Variants in PTPRK observed in about 807,000 individuals in gnomAD.
PTPRK encodes receptor-type tyrosine-protein phosphatase kappa.
Under a neutral mutation model 178.0 loss-of-function variants are expected in PTPRK, and 75 were observed. That is an observed-to-expected ratio of 0.42 (90% CI 0.35 to 0.51). PTPRK has a LOEUF of 0.51. Among genes scored for constraint, PTPRK ranks in the 20% least tolerant of loss-of-function variants. PTPRK has a pLI of 0.02. For missense variants in PTPRK, 1,441 were observed against 1,797.8 expected (o/e 0.80, Z 3.59); for synonymous variants, 637 against 620.6 (o/e 1.03, Z -0.39).
intron 3 of PTPRK, among the ~76,000 whole-genome samples, chr6:128,250,574 C>T (rs1401161234): frequency 1.3e-5 from 2 of 152,106 alleles, no homozygotes; most frequent in East Asian, 3.8e-4. Flanking sequence ...TTGCTGAACT[C>T]ACAAAATTGT....
chr6:128,061,299 T>G (rs1341148152), intron 13 of PTPRK, among the ~76,000 whole-genome samples: 1 of 152,032 alleles, frequency 6.6e-6, no homozygotes, highest in East Asian at 1.9e-4. Context: ...CCAGACTACA[T>G]TTGGAATGTT....
chr6:128,429,055 C>T (rs559225412), intron 1 of PTPRK, among the ~76,000 whole-genome samples: 2 of 151,998 alleles, frequency 1.3e-5, no homozygotes, highest in Admixed American at 6.5e-5. Flanking sequence ...GGATGTAATC[C>T]CTTCATAAAT....
chr6:128,482,527 T>C (rs891478505), intron 1 of PTPRK, among the ~76,000 whole-genome samples: 2 of 151,976 alleles, frequency 1.3e-5, no homozygotes, highest in Non-Finnish European at 2.9e-5. Flanking sequence ...GAAACATACT[T>C]TAGGAAACAG....
intron 2 of PTPRK, among the ~76,000 whole-genome samples, chr6:128,342,417 C>T (rs1831794389): frequency 6.6e-6 from 1 of 152,070 alleles, no homozygotes; most frequent in African/African-American, 2.4e-5. Context: ...TCTACCTCAC[C>T]AAAGCCCCAA....
intron 27 of PTPRK, among the ~76,000 whole-genome samples, 154 bp downstream of exon 27, chr6:127,976,503 T>G (rs1334126430): frequency 6.6e-6 from 1 of 152,200 alleles, no homozygotes; most frequent in African/African-American, 2.4e-5. Flanking sequence ...GTATTTTTAT[T>G]CGAGTACTAA....
intron 3 of PTPRK, chr6:128,321,471 C>T (rs1373981580): frequency 7.7e-6 from 2 of 259,456 alleles, no homozygotes; most frequent in Non-Finnish European, 1.4e-5. Flanking sequence ...ACATCCAAAG[C>T]TTTGTGAATA....
At chr6:128,473,404 A>ATTTTTT (rs67418131) in intron 1 of PTPRK, among the ~76,000 whole-genome samples, 43 of 90,878 alleles carry the variant, frequency 4.7e-4, no homozygotes, top group East Asian at 6.9e-4. Context: ...TATGGTTACT[A>ATTTTTT]TTTTTTTTTT....
At chr6:128,287,043 T>A (rs1006702820) in intron 3 of PTPRK, among the ~76,000 whole-genome samples, 1 of 152,160 alleles carries the variant, frequency 6.6e-6, no homozygotes, top group Non-Finnish European at 1.5e-5. Flanking sequence ...TTTGAAATGA[T>A]CCCTCTGTTA....
chr6:128,204,024 A>G (rs1484973029), intron 6 of PTPRK, among the ~76,000 whole-genome samples: 1 of 152,242 alleles, frequency 6.6e-6, no homozygotes, highest in East Asian at 1.9e-4. Flanking sequence ...ACTTCTAGCT[A>G]CAGTATAAGG....
intron 6 of PTPRK, among the ~76,000 whole-genome samples, chr6:128,206,274 A>G (rs1173391366): frequency 6.6e-6 from 1 of 151,866 alleles, no homozygotes; most frequent in African/African-American, 2.4e-5. Flanking sequence ...GTGATATTTA[A>G]AACAAACTCT....
At chr6:128,275,897 A>C (rs1820646316) in intron 3 of PTPRK, among the ~76,000 whole-genome samples, 1 of 152,058 alleles carries the variant, frequency 6.6e-6, no homozygotes, top group African/African-American at 2.4e-5. Context: ...TCTTTGCCAC[A>C]TGATATATTT....
intron 12 of PTPRK, among the ~76,000 whole-genome samples, chr6:128,065,009 G>T (rs1415301737): frequency 1.3e-5 from 2 of 152,098 alleles, no homozygotes; most frequent in African/African-American, 2.4e-5. Flanking sequence ...TTTTTATAGA[G>T]ATGTAAATAT....
intron 3 of PTPRK, among the ~76,000 whole-genome samples, chr6:128,312,302 G>A (rs1455077851): frequency 6.6e-6 from 1 of 152,162 alleles, no homozygotes; most frequent in Non-Finnish European, 1.5e-5. Flanking sequence ...TTGTTTTTAG[G>A]TGTTATGGCT....
At position 128,047,307 on chromosome 6, in the gene PTPRK, T is replaced by C. The variant is rs966000131; in HGVS notation, c.2194+17451A>G. Among the ~76,000 whole-genome samples the C allele has an allele frequency of 7.2e-5, 11 of 152,302 alleles. 1 individual carries two copies. The highest frequency in any genetic ancestry group is 2.2e-4 in the African/African-American group (9 of 41,568). ...TTATATCATCATTGCTTACCATAAG[T>C]AATATTCTGAGTAAATAATAATCTG... On this transcript the variant is annotated intron_variant, in intron 13 of 29. Coordinates refer to ENST00000368226, the MANE Select transcript of PTPRK (RefSeq NM_002844.4).
At chr6:128,208,094 A>T (rs1807303077) in intron 6 of PTPRK, among the ~76,000 whole-genome samples, 1 of 152,048 alleles carries the variant, frequency 6.6e-6, no homozygotes, top group Non-Finnish European at 1.5e-5. Flanking sequence ...ACCATGCATC[A>T]ACCAGTCTGA....
chr6:128,121,713 T>C (rs1000031402), intron 7 of PTPRK, among the ~76,000 whole-genome samples: 2 of 152,052 alleles, frequency 1.3e-5, no homozygotes, highest in Non-Finnish European at 2.9e-5. Context: ...TTTTGGACTC[T>C]GTACCTTCCA....
At chr6:128,288,801 T>C (rs1178020167) in intron 3 of PTPRK, among the ~76,000 whole-genome samples, 1 of 152,160 alleles carries the variant, frequency 6.6e-6, no homozygotes, top group Admixed American at 6.6e-5. Flanking sequence ...TTATATAATT[T>C]AGTGGAACCT....
At chr6:128,123,468 T>G (rs1792809652) in intron 7 of PTPRK, among the ~76,000 whole-genome samples, 1 of 152,186 alleles carries the variant, frequency 6.6e-6, no homozygotes, top group Non-Finnish European at 1.5e-5. Flanking sequence ...AAAAATAAAT[T>G]TTTAGAATAG....
intron 6 of PTPRK, among the ~76,000 whole-genome samples, chr6:128,190,385 A>G (rs983422581): frequency 2.6e-5 from 4 of 151,760 alleles, no homozygotes; most frequent in African/African-American, 9.7e-5. Context: ...TTTAATCTAA[A>G]TTACTATTAA....
Sources: allele counts gnomAD v4.1 joint callset (sites outside exome capture counted in the v4.1 genomes callset), GRCh38; gene constraint gnomAD v4.1.1; transcripts MANE v1.5; gene names NCBI Gene and HGNC (gene_info 2026-07-23, HGNC 2026-07-21).